SNU13: variants seen among roughly 807,000 people sequenced by gnomAD.
SNU13 encodes the protein NHP2-like protein 1.
SNU13 carries 2 observed loss-of-function variants against 12.4 expected under a neutral mutation model. That is an observed-to-expected ratio of 0.16 (90% CI 0.07 to 0.51). The LOEUF is 0.51. Ranked by LOEUF, SNU13 falls within the 20% of genes least tolerant of loss-of-function variation. The pLI, the probability that SNU13 is intolerant of heterozygous loss-of-function variation, is 0.96. For synonymous variants in SNU13, 68 were observed against 66.5 expected, an observed-to-expected ratio of 1.02 and a Z score of -0.11; for missense variants, 66 against 157.8, an observed-to-expected ratio of 0.42 and a Z score of 3.12.
intron 1 of SNU13, among the ~76,000 whole-genome samples, chr22:41,682,050 C>A: frequency 6.6e-6 from 1 of 151,920 alleles, no homozygotes; most frequent in East Asian, 1.9e-4. Flanking sequence ...ATATTATAAC[C>A]CAGGTGCGGC....
chr22:41,688,063 C>T (rs1042558531), intron 1 of SNU13: 1 of 152,258 alleles, frequency 6.6e-6, no homozygotes, highest in African/African-American at 2.4e-5. Context: ...ACCAAAACTA[C>T]TACGCCAGGA....
chr22:41,676,979 A>C (rs544981597), intron 2 of SNU13, among the ~76,000 whole-genome samples: 4 of 152,098 alleles, frequency 2.6e-5, no homozygotes, highest in Admixed American at 6.6e-5. Flanking sequence ...GTACCACCAC[A>C]GTTGCTATCT....
intron 2 of SNU13, among the ~76,000 whole-genome samples, chr22:41,677,829 C>T (rs947152418): frequency 2.6e-5 from 4 of 152,122 alleles, no homozygotes; most frequent in African/African-American, 9.7e-5. Context: ...GCCTTTACAC[C>T]ATGCCCAAAA....
chr22:41,682,938 C>A (rs1188378360), intron 1 of SNU13, among the ~76,000 whole-genome samples: 3 of 152,078 alleles, frequency 2.0e-5, no homozygotes, highest in African/African-American at 7.2e-5. Flanking sequence ...CATGAGCCAC[C>A]GCACCTGGCC....
chr22:41,675,791 C>T (rs2147131424), intron 2 of SNU13, among the ~76,000 whole-genome samples: 1 of 147,020 alleles, frequency 6.8e-6, no homozygotes, highest in Admixed American at 6.9e-5. Context: ...CACACTGTCG[C>T]CCGGGCTGGA....
chr22:41,688,231 T>C (rs2147143450), intron 1 of SNU13: 1 of 152,508 alleles, frequency 6.6e-6, no homozygotes, highest in East Asian at 1.9e-4. Context: ...GCTCACTTCA[T>C]GTTCCCCACA....
chr22:41,677,400 C>T (rs373659016), intron 2 of SNU13, among the ~76,000 whole-genome samples: 3 of 152,238 alleles, frequency 2.0e-5, no homozygotes, highest in African/African-American at 7.2e-5. Flanking sequence ...TGGCGTACAC[C>T]TGTAGTTCCA....
intron 2 of SNU13, among the ~76,000 whole-genome samples, chr22:41,678,724 C>T (rs535087806): frequency 2.6e-4 from 39 of 152,244 alleles, no homozygotes; most frequent in African/African-American, 8.9e-4. Flanking sequence ...TACAATGCCC[C>T]ACTGGCCACT....
At chr22:41,682,650 G>A (rs1569109694) in intron 1 of SNU13, 3 of 1,060,112 alleles carry the variant, frequency 2.8e-6, no homozygotes, top group Non-Finnish European at 3.9e-6. Context: ...GGGAGGTCAA[G>A]GGAAGACCTC....
chr22:41,679,366 G>A (rs538563625), intron 2 of SNU13, among the ~76,000 whole-genome samples: 160 of 152,292 alleles, frequency 1.1e-3, no homozygotes, highest in African/African-American at 3.5e-3. Flanking sequence ...AGACCAGACT[G>A]ACCAACATAG....
rs970384069 is a variant in SNU13 at position 41,675,343 on chromosome 22, T to A, written c.125-148A>T. 7.9e-5 allele frequency: 76 copies of A among 960,892 alleles called. 1 individual carries two copies. The South Asian group carries it at 8.3e-4, about 11-fold the overall frequency. 59.5% of individuals were successfully genotyped at this position (960,892 alleles called of 1,614,324 possible). On this transcript the variant is annotated intron_variant, in intron 2 of 2. Transcript: ENST00000401959. ...AAAGGATTCAAACACCAGTCAGTCA[T>A]ACACAATGGCATTTTCTCAAGCCCT...
Position 41,674,241 on chromosome 22 carries a change from G to C in SNU13, c.*692C>G, listed in dbSNP as rs2068190425. ...CACTCCCGACTCTTTCAAGACCCAGGTCAACTGCCCCATGGCTCACCCACC... is the reference window on the plus strand; with the variant it reads ...CACTCCCGACTCTTTCAAGACCCAGCTCAACTGCCCCATGGCTCACCCACC... On this transcript the variant is annotated 3_prime_UTR_variant, in exon 3 of 3. Coordinates refer to ENST00000401959, the MANE Select transcript of SNU13 (RefSeq NM_001003796.2). 1 of 152,934 alleles carries C rather than the reference G, an allele frequency of 6.5e-6. No homozygotes were observed. Among genetic ancestry groups the C allele is most frequent in the African/African-American group, 2.4e-5 (1 of 41,436 alleles). 9.5% of individuals were successfully genotyped at this position (152,934 alleles called of 1,614,324 possible).
rs1203925759 is a variant in SNU13 at position 41,682,290 on chromosome 22, C to A, written c.4-1926G>T. On this transcript the variant is annotated intron_variant, in intron 1 of 2. Coordinates refer to ENST00000401959, the MANE Select transcript of SNU13 (RefSeq NM_001003796.2). ...TTACAGCTTTTCTGACACAGCGGGA[C>A]CACGCTCGCGGCACCACAGCTCTCG... 7.3e-6 allele frequency: 11 copies of A among 1,516,638 alleles called. No homozygotes were observed. In the South Asian group the frequency reaches 1.0e-4, roughly 14 times the overall value. 93.9% of individuals were successfully genotyped at this position (1,516,638 alleles called of 1,614,324 possible).
At chr22:41,675,858 C>A (rs920362770) in intron 2 of SNU13, among the ~76,000 whole-genome samples, 1 of 150,096 alleles carries the variant, frequency 6.7e-6, no homozygotes, top group African/African-American at 2.5e-5. Context: ...TCAAGTGATT[C>A]TCCTGCCTCA....
chr22:41,683,240 T>G (rs1361462403), intron 1 of SNU13, among the ~76,000 whole-genome samples: 1 of 152,152 alleles, frequency 6.6e-6, no homozygotes, highest in Non-Finnish European at 1.5e-5. Context: ...CCTCAAGTGA[T>G]CCGCTTGCCT....
Position 41,682,417 on chromosome 22 carries a change from G to A in SNU13, c.4-2053C>T, listed in dbSNP as rs111681589. ...GCGAGGATACCACGCGTGTCGGTTT[G>A]GACGGTCTGCTGCCCAGCACCGCAA... On this transcript the variant is annotated intron_variant, in intron 1 of 2. Coordinates refer to ENST00000401959, the MANE Select transcript of SNU13 (RefSeq NM_001003796.2). 1,108 of 1,613,070 alleles carry A rather than the reference G, an allele frequency of 6.9e-4. 7 individuals are homozygous for A. In the African/African-American group the frequency reaches 0.013, roughly 20 times the overall value.
intron 2 of SNU13, among the ~76,000 whole-genome samples, chr22:41,678,016 C>T (rs2068228863): frequency 6.6e-6 from 1 of 151,356 alleles, no homozygotes; most frequent in South Asian, 2.1e-4. Context: ...CACTCTGTCG[C>T]CCAGGCTAGA....
chr22:41,686,352 T>C (rs1731958676), intron 1 of SNU13, among the ~76,000 whole-genome samples: 1 of 151,680 alleles, frequency 6.6e-6, no homozygotes, highest in Non-Finnish European at 1.5e-5. Context: ...TCGCCCAGGC[T>C]GGAGTGCAGT....
Position 41,674,867 on chromosome 22 carries a change from A to G in SNU13, c.*66T>C. The G allele has an allele frequency of 6.4e-7, 1 of 1,570,340 alleles. No individual in the cohort carries two copies. The highest frequency in any genetic ancestry group is 8.7e-7 in the Non-Finnish European group (1 of 1,153,598). ...GTAGCTGAAAATACTACATGCTAACACAGATAATATGATACACAACCTCAG... is the reference window on the plus strand; with the variant it reads ...GTAGCTGAAAATACTACATGCTAACGCAGATAATATGATACACAACCTCAG... On this transcript the variant is annotated 3_prime_UTR_variant, in exon 3 of 3. Transcript: ENST00000401959.
Sources: allele counts gnomAD v4.1 joint callset (sites outside exome capture counted in the v4.1 genomes callset), GRCh38; gene constraint gnomAD v4.1.1; transcripts MANE v1.5; gene names NCBI Gene and HGNC (gene_info 2026-07-23, HGNC 2026-07-21).